Variants in UNC13D observed in about 807,000 individuals in gnomAD.
The protein encoded by UNC13D is unc-13 homolog D.
In UNC13D, 115 loss-of-function variants were observed where a neutral mutation model predicts 151.7. That is an observed-to-expected ratio of 0.76 (90% CI 0.65 to 0.88). The LOEUF is 0.88. Ranked by LOEUF, UNC13D falls within the 40% of genes least tolerant of loss-of-function variation. The pLI is 0.00. For synonymous variants in UNC13D, 588 were observed against 612.2 expected, an observed-to-expected ratio of 0.96 and a Z score of 0.58; for missense variants, 1,369 against 1,438.7, an observed-to-expected ratio of 0.95 and a Z score of 0.78.
chr17:75,841,030 G>A (rs767000775), intron 6 of UNC13D, 29 bp from the exon 7 acceptor site: 1 of 1,613,812 alleles, frequency 6.2e-7, no homozygotes, highest in Non-Finnish European at 8.5e-7. Flanking sequence ...GTGGTTGAGG[G>A]CCCTGGAGGG....
chr17:75,827,503 C>T lies in UNC13D; in HGVS notation c.*462G>A. 1 of 1,525,094 alleles carries T rather than the reference C, an allele frequency of 6.6e-7. No individual in the cohort carries two copies. Among genetic ancestry groups the T allele is most frequent in the Non-Finnish European group, 8.8e-7 (1 of 1,140,112 alleles). The allele number at this position is 1,525,094 out of a possible 1,614,324, so 94.5% of individuals were successfully genotyped here. On this transcript the variant is annotated 3_prime_UTR_variant, in exon 32 of 32. Transcript: ENST00000207549. ...GGCCACCACCCTCCCCCCAGGGCAGCTGGAGCCTCATCTTTGGCAGGGTCC... is the reference window on the plus strand; with the variant it reads ...GGCCACCACCCTCCCCCCAGGGCAGTTGGAGCCTCATCTTTGGCAGGGTCC...
chr17:75,836,973 T>A, intron 12 of UNC13D, 55 bp from the exon 13 acceptor site: 1 of 1,338,598 alleles, frequency 7.5e-7, no homozygotes, highest in Non-Finnish European at 1.0e-6. Context: ...TGCCTTCCCC[T>A]GTTCACCCGG....
At chr17:75,841,141 T>TC (rs1483855564) in intron 6 of UNC13D, 140 bp from the exon 7 acceptor site, 1 of 751,226 alleles carries the variant, frequency 1.3e-6, no homozygotes, top group African/African-American at 2.0e-5. Context: ...ATCCCTTTTT[T>TC]TTTTTTTTTT....
At chr17:75,843,288 TG>T in intron 2 of UNC13D, 22 bp from the exon 3 acceptor site, 1 of 1,602,154 alleles carries the variant, frequency 6.2e-7, no homozygotes. Flanking sequence ...GGGGTCACCT[TG>T]GGGACCCCAC....
chr17:75,837,613 G>T (rs1295001013), intron 12 of UNC13D, among the ~76,000 whole-genome samples: 1 of 151,590 alleles, frequency 6.6e-6, no homozygotes, highest in Non-Finnish European at 1.5e-5. Flanking sequence ...ATTTAGCCAG[G>T]TGTGATGGCA....
intron 21 of UNC13D, 75 bp downstream of exon 21, chr17:75,834,845 G>A (rs536010758): frequency 2.5e-6 from 4 of 1,612,534 alleles, no homozygotes; most frequent in Admixed American, 1.7e-5. Context: ...GCCTGGGTGA[G>A]AGCACGGGAG....
In UNC13D at chr17:75,828,235, C is replaced by A. The variant is rs968048358; in HGVS notation, c.3152-149G>T. The A allele has an allele frequency of 1.6e-5, 20 of 1,261,982 alleles. No homozygotes were observed. The African/African-American group carries it at 2.7e-4, about 17-fold the overall frequency. 78.2% of individuals were successfully genotyped at this position (1,261,982 alleles called of 1,614,324 possible). A position where few individuals can be genotyped will look rare whatever the true frequency, so the allele number is the denominator to read the frequency against. On this transcript the variant is annotated intron_variant, in intron 31 of 31. Coordinates refer to ENST00000207549, the MANE Select transcript of UNC13D (RefSeq NM_199242.3). ...AAGTGACAGACCCGCGCCAGCCCAG[C>A]CCAGGAGGTGGTCTGACAGACGCAT...
chr17:75,831,286 C>T lies in UNC13D; in HGVS notation c.2510G>A (p.Arg837His), dbSNP rs780296355. 44 of 1,613,684 alleles carry T rather than the reference C, an allele frequency of 2.7e-5. No homozygotes were observed. In the African/African-American group the frequency reaches 2.9e-4, roughly 11 times the overall value. ...TVLVEAAASQ[R>H]SSSLASNRLK... Reference sequence around the variant, plus strand: ...CCTGTTGGAAGCCAGGGATGAGCTGCGCTGGGAGGCGGCCGCCTCCACCAG... The same window carrying T: ...CCTGTTGGAAGCCAGGGATGAGCTGTGCTGGGAGGCGGCCGCCTCCACCAG... Residue 837 changes from arginine to histidine, a missense_variant, in exon 26 of 32, where the codon CGC becomes CAC. Transcript: ENST00000207549.
chr17:75,835,383 G>T, intron 20 of UNC13D, 26 bp downstream of exon 20: 1 of 1,606,134 alleles, frequency 6.2e-7, no homozygotes, highest in South Asian at 1.1e-5. Context: ...CCGGGGCCCC[G>T]CCCCCTGCCC....
At chr17:75,829,052 C>A in intron 30 of UNC13D, 69 bp from the exon 31 acceptor site, 1 of 1,554,828 alleles carries the variant, frequency 6.4e-7, no homozygotes, top group African/African-American at 1.3e-5. Context: ...CATGGGTTCA[C>A]CCACTTGGTG....
At position 75,844,358 on chromosome 17, in the gene UNC13D, C is replaced by T. The variant is rs1157348177; in HGVS notation, c.-21G>A. ...GCCATGGTGGCCTTCTCTGCCCTTC[C>T]CTGTCCGCTGGTGCTGGGTGAAGAC... On this transcript the variant is annotated 5_prime_UTR_variant, in exon 1 of 32. Coordinates refer to ENST00000207549, the MANE Select transcript of UNC13D (RefSeq NM_199242.3). The T allele has an allele frequency of 3.1e-6, 5 of 1,597,338 alleles. No individual in the cohort carries two copies. Among genetic ancestry groups the T allele is most frequent in the Non-Finnish European group, 4.3e-6 (5 of 1,173,014 alleles).
In UNC13D at chr17:75,844,270, C is replaced by A; in HGVS notation, c.68G>T (p.Arg23Leu). ...ATCCTGTAGATCTCTGACTCTGCGG[C>A]GCCTTATCTTGATGGCCTGGCGCAA... is the stretch of plus-strand genomic sequence containing the variant. ...PFLRQAIKIR[R>L]RRVRDLQDPP... Residue 23 changes from arginine to leucine, a missense_variant, in exon 1 of 32, where the codon CGC (arginine) becomes CTC (leucine). By Grantham distance (102) the Arg-to-Leu change is moderately radical. Around this residue, in one of 3 missense-constraint regions of UNC13D, gnomAD observed 550 missense variants for 609.0 expected, o/e 0.90. Coordinates refer to ENST00000207549, the MANE Select transcript of UNC13D (RefSeq NM_199242.3). The A allele has an allele frequency of 3.1e-6, 5 of 1,612,728 alleles. No homozygotes were observed. The highest frequency in any genetic ancestry group is 4.2e-6 in the Non-Finnish European group (5 of 1,179,950).
Position 75,840,771 on chromosome 17 carries a change from C to T in UNC13D, c.674G>A (p.Gly225Glu). 1 of 1,613,980 alleles carries T rather than the reference C, an allele frequency of 6.2e-7. No homozygotes were observed. The highest frequency in any genetic ancestry group is 8.5e-7 in the Non-Finnish European group (1 of 1,180,038). The change falls in exon 8 of 32, where the codon GGG (glycine) becomes GAG (glutamate). Residue 225 changes from glycine (G) to glutamate (E), a missense_variant. Coordinates refer to ENST00000207549, the MANE Select transcript of UNC13D (RefSeq NM_199242.3). This position sits in a 1 kb window ranked among gnomAD's most constrained non-coding sequence, Gnocchi z 4.6. ...GCCCTGCAACACGAACCTGCGAAGCCCATGCAGATCCGTGAGCTCCCCAAG... is the reference window on the plus strand; with the variant it reads ...GCCCTGCAACACGAACCTGCGAAGCTCATGCAGATCCGTGAGCTCCCCAAG... Reference protein sequence around the residue: ...QKLGELTDLHGLRRIFKEARK... With the variant: ...QKLGELTDLHELRRIFKEARK...
chr17:75,837,096 C>T (rs1223190624), intron 12 of UNC13D, among the ~76,000 whole-genome samples, 178 bp from the exon 13 acceptor site: 3 of 150,932 alleles, frequency 2.0e-5, no homozygotes, highest in African/African-American at 4.9e-5. Context: ...GATGTAGTCT[C>T]ACTCCGTCAC....
Position 75,827,662 on chromosome 17 carries a change from C to T in UNC13D, c.*303G>A, listed in dbSNP as rs1216188944. On this transcript the variant is annotated 3_prime_UTR_variant, in exon 32 of 32. Transcript: ENST00000207549. ...AGGAGACAGATGGCCCAATCCCCTG[C>T]CCACCACAGCAGCTTTTCTGAGAGG... The T allele has an allele frequency of 2.0e-6, 3 of 1,529,740 alleles. No homozygotes were observed. The East Asian group carries it at 7.3e-5, about 37-fold the overall frequency. 94.8% of individuals were successfully genotyped at this position (1,529,740 alleles called of 1,614,324 possible).
In UNC13D at chr17:75,840,234, G is replaced by A; in HGVS notation, c.849C>T (p.Ile283=). 1.2e-6 allele frequency: 2 copies of A among 1,614,012 alleles called. No homozygotes were observed. Among genetic ancestry groups the A allele is most frequent in the South Asian group, 2.2e-5 (2 of 91,088 alleles). The change falls in exon 10 of 32, where the codon ATC becomes ATT. Residue 283 remains isoleucine, a synonymous_variant. Transcript: ENST00000207549. The surrounding 1 kb of genome is among the most constrained non-coding windows in gnomAD (Gnocchi z 4.6). ...CCAGTACCCGACCTACCCGCTTATG[G>A]ATGAGTTGGAACTGGAGGTGGCACT... ...RGQCHLQFQL[I]HKRRATSASR...
chr17:75,833,199 G>A lies in UNC13D; in HGVS notation c.2368-154C>T, dbSNP rs994083881. The stretch of plus-strand genomic sequence containing the variant: ...AAGAGGCCGGCCTGCCCACCTCTCT[G>A]CCTTCCCCTCTCCGTTGCTCAGCCT... On this transcript the variant is annotated intron_variant, in intron 24 of 31. Transcript: ENST00000207549. The surrounding 1 kb of genome is among the most constrained non-coding windows in gnomAD (Gnocchi z 4.0). 4 of 672,410 alleles carry A rather than the reference G, an allele frequency of 5.9e-6. No homozygotes were observed. The highest frequency in any genetic ancestry group is 1.1e-5 in the Non-Finnish European group (4 of 380,292). 41.7% of individuals were successfully genotyped at this position (672,410 alleles called of 1,614,324 possible).
Position 75,844,264 on chromosome 17 carries a change from C to A in UNC13D, c.74G>T (p.Arg25Ile). The A allele has an allele frequency of 6.2e-7, 1 of 1,612,730 alleles. No homozygotes were observed. The highest frequency in any genetic ancestry group is 8.5e-7 in the Non-Finnish European group (1 of 1,179,948). ...CGGGGGATCCTGTAGATCTCTGACT[C>A]TGCGGCGCCTTATCTTGATGGCCTG... ...LRQAIKIRRR[R>I]VRDLQDPPPQ... Residue 25 changes from arginine (R) to isoleucine (I), a missense_variant, in exon 1 of 32, where the codon AGA becomes ATA. By Grantham distance (97) the Arg-to-Ile change is moderately conservative. Coordinates refer to ENST00000207549, the MANE Select transcript of UNC13D (RefSeq NM_199242.3).
intron 16 of UNC13D, 23 bp from the exon 17 acceptor site, chr17:75,836,132 G>C: frequency 6.2e-7 from 1 of 1,612,760 alleles, no homozygotes; most frequent in Non-Finnish European, 8.5e-7. Flanking sequence ...AGGTGGGCTG[G>C]GCAGGGCTGC....
Sources: allele counts gnomAD v4.1 joint callset (sites outside exome capture counted in the v4.1 genomes callset), GRCh38; gene constraint gnomAD v4.1.1; regional missense constraint gnomAD v4.1.1; non-coding constraint Gnocchi (gnomAD v3.1); transcripts MANE v1.5; gene names NCBI Gene and HGNC (gene_info 2026-07-23, HGNC 2026-07-21).